The following CASTOR2 variants were observed in gnomAD, a reference collection of about 807,000 sequenced individuals.
CASTOR2 encodes the protein GATS protein like 2.
Under a neutral mutation model 31.2 loss-of-function variants are expected in CASTOR2, and 8 were observed. The ratio of observed to expected loss-of-function variants is 0.26; its 90% CI spans 0.15 to 0.46. The LOEUF (loss-of-function observed/expected upper bound fraction) is 0.46, where lower values mean the gene tolerates loss of function less well. Among genes scored for constraint, CASTOR2 ranks in the 20% least tolerant of loss-of-function variants. CASTOR2 has a pLI of 0.99. For synonymous variants in CASTOR2, 162 were observed against 158.7 expected, an observed-to-expected ratio of 1.02 and a Z score of -0.16; for missense variants, 216 against 382.1, an observed-to-expected ratio of 0.57 and a Z score of 3.62.
chr7:75,006,084 C>T (rs1804599924), intron 1 of CASTOR2, among the ~76,000 whole-genome samples: 1 of 152,184 alleles, frequency 6.6e-6, no homozygotes, highest in Non-Finnish European at 1.5e-5. Flanking sequence ...GAGCTGAGAT[C>T]ATGCCACTGC....
rs1337354639 is a variant in CASTOR2, at chr7:75,025,545, T to G, written c.*846T>G. On this transcript the variant is annotated 3_prime_UTR_variant, in exon 9 of 9. Transcript: ENST00000616305. ...CCTGGCTTTCCAGGCCTGAGGTTTC[T>G]TAGGTGGTGTCCCACCTCCCCAACA... Among the ~76,000 whole-genome samples the G allele has an allele frequency of 1.3e-5, 2 of 152,168 alleles. No individual in the cohort carries two copies. Among genetic ancestry groups the G allele is most frequent in the Non-Finnish European group, 2.9e-5 (2 of 68,022 alleles).
At chr7:74,996,250 C>T (rs1804344193) in intron 1 of CASTOR2, among the ~76,000 whole-genome samples, 4 of 152,082 alleles carry the variant, frequency 2.6e-5, no homozygotes, top group Non-Finnish European at 5.9e-5. Context: ...GAGGGGCCCC[C>T]AGGAACACCC....
rs1460513397 is a variant in CASTOR2 at position 75,024,691 on chromosome 7, A to C, written c.982A>C (p.Lys328Gln). The C allele has an allele frequency of 3.9e-6, 6 of 1,551,488 alleles. No individual in the cohort carries two copies. The highest frequency in any genetic ancestry group is 1.7e-4 in the Middle Eastern group (1 of 6,008). Residue 328 changes from lysine (K) to glutamine (Q), a missense_variant, in exon 9 of 9, where the codon AAG becomes CAG. Transcript: ENST00000616305. ...TGCCCTGAAGGTCAGCCAAGCAGAG[A>C]AGCACTAGAAGGGTCTCTTCTGCTC... Reference protein sequence around the residue: ...ISALKVSQAEKH With the variant: ...ISALKVSQAEQH
chr7:75,030,354 C>A lies in CASTOR2; in HGVS notation c.*5655C>A, dbSNP rs1805267197. On this transcript the variant is annotated 3_prime_UTR_variant, in exon 9 of 9. Coordinates refer to ENST00000616305, the MANE Select transcript of CASTOR2 (RefSeq NM_001145064.3). ...CTCAGTAGCAGTCTTGTTGTCAGGC[C>A]TTGAGTGCAGAAATGATTAGGTGAG... 6.6e-6 allele frequency among the ~76,000 whole-genome samples: 1 copy of A among 152,152 alleles called. No individual in the cohort carries two copies. Among genetic ancestry groups the A allele is most frequent in the African/African-American group, 2.4e-5 (1 of 41,420 alleles).
intron 2 of CASTOR2, among the ~76,000 whole-genome samples, chr7:75,014,652 G>GGGTA (rs1804827591): frequency 6.6e-6 from 1 of 152,074 alleles, no homozygotes; most frequent in African/African-American, 2.4e-5. Context: ...TGAGCAGGGC[G>GGGTA]GGTAGACCAA....
At chr7:74,996,714 G>GAT (rs1804356173) in intron 1 of CASTOR2, among the ~76,000 whole-genome samples, 1 of 44,066 alleles carries the variant, frequency 2.3e-5, no homozygotes, top group Admixed American at 3.4e-4. Flanking sequence ...CATGCCTGGT[G>GAT]CTTTTTTTTT....
intron 1 of CASTOR2, among the ~76,000 whole-genome samples, chr7:74,985,396 A>G (rs1373429111): frequency 6.6e-6 from 1 of 151,924 alleles, no homozygotes; most frequent in Non-Finnish European, 1.5e-5. Flanking sequence ...CCTGGGCAAC[A>G]TAGTGAGACC....
chr7:74,967,789 C>CGA (rs1554434795), intron 1 of CASTOR2, among the ~76,000 whole-genome samples: 1 of 56,006 alleles, frequency 1.8e-5, no homozygotes, highest in Non-Finnish European at 3.4e-5. Flanking sequence ...CTGGCCTCGA[C>CGA]CTCCCAAAGT....
Position 74,965,882 on chromosome 7 carries a change from A to T in CASTOR2, c.113+784A>T, listed in dbSNP as rs377633522. The stretch of plus-strand genomic sequence containing the variant: ...CACACACACACACACACACACACAC[A>T]CTCTCTCTCTCTCTCTCTCTCTCTC... On this transcript the variant is annotated intron_variant, in intron 1 of 8. Coordinates refer to ENST00000616305, the MANE Select transcript of CASTOR2 (RefSeq NM_001145064.3). Among the ~76,000 whole-genome samples, 24 of 19,076 alleles carry T rather than the reference A, an allele frequency of 1.3e-3. 1 individual carries two copies. The highest frequency in any genetic ancestry group is 1.8e-3 in the South Asian group (1 of 542). The allele number at this position is 19,076 out of a possible 152,430, so 12.5% of individuals were successfully genotyped here. A position where few individuals can be genotyped will look rare whatever the true frequency, so the allele number is the denominator to read the frequency against.
intron 1 of CASTOR2, among the ~76,000 whole-genome samples, chr7:74,986,338 A>C (rs1459795004): frequency 6.6e-6 from 1 of 151,810 alleles, no homozygotes; most frequent in African/African-American, 2.4e-5. Flanking sequence ...ATACAAAAAA[A>C]GAATTAGCCA....
chr7:74,987,678 G>A (rs1804104147), intron 1 of CASTOR2, among the ~76,000 whole-genome samples: 1 of 152,186 alleles, frequency 6.6e-6, no homozygotes, highest in Admixed American at 6.6e-5. Context: ...GACAGAGACT[G>A]AGCAGTGAGA....
intron 2 of CASTOR2, among the ~76,000 whole-genome samples, chr7:75,015,650 C>G (rs1804846831): frequency 6.6e-6 from 1 of 152,066 alleles, no homozygotes. Context: ...AAGATAGAGC[C>G]TGGGTTCTTG....
chr7:74,994,473 G>A lies in CASTOR2; in HGVS notation c.114-13521G>A, dbSNP rs587609427. Among the ~76,000 whole-genome samples the A allele has an allele frequency of 1.3e-3, 195 of 152,252 alleles. 1 individual carries two copies. The highest frequency in any genetic ancestry group is 1.9e-3 in the South Asian group (9 of 4,820). ...GATGGGACAAATGAATCAACCGCCCGGGTGTGGTGGTTCATGCCTGTAATC... is the reference window on the plus strand; with the variant it reads ...GATGGGACAAATGAATCAACCGCCCAGGTGTGGTGGTTCATGCCTGTAATC... On this transcript the variant is annotated intron_variant, in intron 1 of 8. Transcript: ENST00000616305.
intron 1 of CASTOR2, among the ~76,000 whole-genome samples, chr7:74,991,267 C>T (rs1554437316): frequency 6.6e-6 from 1 of 152,024 alleles, no homozygotes; most frequent in Non-Finnish European, 1.5e-5. Flanking sequence ...AAGCATGGGA[C>T]CGTGATCCCT....
chr7:74,978,062 A>G (rs1803864846), intron 1 of CASTOR2, among the ~76,000 whole-genome samples: 1 of 150,138 alleles, frequency 6.7e-6, no homozygotes, highest in Non-Finnish European at 1.5e-5. Flanking sequence ...CCTCTGAGCT[A>G]GATCTCTGCT....
intron 7 of CASTOR2, among the ~76,000 whole-genome samples, chr7:75,023,419 C>T (rs966813115): frequency 6.6e-6 from 1 of 151,738 alleles, no homozygotes; most frequent in African/African-American, 2.4e-5. Flanking sequence ...CCTCTGTTTC[C>T]ACAGTTGTCC....
Position 75,024,873 on chromosome 7 carries a change from G to A in CASTOR2, c.*174G>A. 6.8e-6 allele frequency: 10 copies of A among 1,469,652 alleles called. No individual in the cohort carries two copies. The South Asian group carries it at 1.1e-4, about 17-fold the overall frequency. The allele number at this position is 1,469,652 out of a possible 1,614,324, so 91.0% of individuals were successfully genotyped here. Reference sequence around the variant, plus strand: ...CTCCAGGGCAGGGGCCCACGCCAAGGCCTCTCCATGCCCTCCTGCCTTCCC... The same window carrying A: ...CTCCAGGGCAGGGGCCCACGCCAAGACCTCTCCATGCCCTCCTGCCTTCCC... On this transcript the variant is annotated 3_prime_UTR_variant, in exon 9 of 9. Coordinates refer to ENST00000616305, the MANE Select transcript of CASTOR2 (RefSeq NM_001145064.3).
intron 2 of CASTOR2, 90 bp from the exon 3 acceptor site, chr7:75,017,508 A>G (rs1804892908): frequency 1.4e-6 from 2 of 1,449,308 alleles, no homozygotes; most frequent in African/African-American, 1.4e-5. Flanking sequence ...GCCCCAGAGC[A>G]TCACTCTCCA....
chr7:75,020,001 C>T (rs1804955240), intron 5 of CASTOR2, 38 bp from the exon 6 acceptor site: 5 of 1,546,276 alleles, frequency 3.2e-6, no homozygotes, highest in East Asian at 2.4e-5. Flanking sequence ...GCAGGGGCCA[C>T]AGGGGCCCCA....
Sources: gnomAD v4.1 joint callset for allele counts (sites outside exome capture counted in the v4.1 genomes callset) on GRCh38, gnomAD v4.1.1 for gene constraint, MANE v1.5 for transcripts, NCBI Gene and HGNC (gene_info 2026-07-23, HGNC 2026-07-21) for gene names.